RARB: variants seen among roughly 807,000 people sequenced by gnomAD.
The protein encoded by RARB is HBV-activated protein.
Under a neutral mutation model 51.9 loss-of-function variants are expected in RARB, and 17 were observed. That is an observed-to-expected ratio of 0.33 (90% CI 0.22 to 0.49). The LOEUF (loss-of-function observed/expected upper bound fraction) is 0.49. RARB is among the 20% of genes least tolerant of loss of function. RARB has a pLI of 0.99. For missense variants in RARB, 369 were observed against 550.8 expected (o/e 0.67, Z 3.30); for synonymous variants, 215 against 195.4 (o/e 1.10, Z -0.84).
chr3:25,050,638 A>G (rs951951150), intron 2 of RARB, among the ~76,000 whole-genome samples: 77 of 152,118 alleles, frequency 5.1e-4, no homozygotes, highest in African/African-American at 1.8e-3. Flanking sequence ...TCATTCCAAT[A>G]TTTCCAAATT....
intron 5 of RARB, among the ~76,000 whole-genome samples, chr3:25,256,656 A>T (rs1489184293): frequency 1.3e-5 from 2 of 152,134 alleles, no homozygotes; most frequent in African/African-American, 4.8e-5. Flanking sequence ...CTCAAAGGAC[A>T]GTCTTGTCAT....
At position 25,265,977 on chromosome 3, in the gene RARB, C is replaced by T. The variant is rs112594481; in HGVS notation, c.178+91402C>T. Among the ~76,000 whole-genome samples, 311 of 152,244 alleles carry T rather than the reference C, an allele frequency of 2.0e-3. 1 individual carries two copies. Among genetic ancestry groups the T allele is most frequent in the African/African-American group, 5.7e-3 (237 of 41,554 alleles). On this transcript the variant is annotated intron_variant, in intron 5 of 11. Transcript: ENST00000383772. ...CCTTCACCTCAAAGCTGGCAACTCT[C>T]AACCTAGTCATCCTTACACTGCCAT...
intron 2 of RARB, among the ~76,000 whole-genome samples, chr3:25,500,377 A>C (rs1224668223): frequency 1.3e-5 from 2 of 151,904 alleles, no homozygotes; most frequent in Non-Finnish European, 2.9e-5. Context: ...GGAGCTATGT[A>C]AAAGAACTCA....
chr3:25,539,273 A>G (rs1699267071), intron 3 of RARB, among the ~76,000 whole-genome samples: 1 of 152,184 alleles, frequency 6.6e-6, no homozygotes, highest in African/African-American at 2.4e-5. Context: ...GGTTGACAGC[A>G]TTCTATTTGA....
intron 5 of RARB, among the ~76,000 whole-genome samples, chr3:25,300,236 AT>A (rs1209248631): frequency 2.0e-5 from 3 of 152,238 alleles, no homozygotes; most frequent in African/African-American, 7.2e-5. Flanking sequence ...TTGCATTATA[AT>A]TTGTTCAGCA....
intron 2 of RARB, among the ~76,000 whole-genome samples, chr3:24,980,530 C>G (rs1382040939): frequency 6.6e-6 from 1 of 152,088 alleles, no homozygotes; most frequent in African/African-American, 2.4e-5. Flanking sequence ...CGATCAAATT[C>G]GATCCTTTCT....
intron 5 of RARB, among the ~76,000 whole-genome samples, chr3:25,339,450 C>T (rs1705158174): frequency 6.6e-6 from 1 of 152,174 alleles, no homozygotes. Flanking sequence ...CGTCACTTTC[C>T]TTTTTCTGTC....
At chr3:25,124,707 G>C (rs941996158) in intron 3 of RARB, among the ~76,000 whole-genome samples, 1 of 152,200 alleles carries the variant, frequency 6.6e-6, no homozygotes, top group Non-Finnish European at 1.5e-5. Flanking sequence ...TTTTGACCTG[G>C]AGACAAGTTG....
chr3:25,312,160 C>T (rs1444007170), intron 5 of RARB, among the ~76,000 whole-genome samples: 9 of 151,840 alleles, frequency 5.9e-5, no homozygotes, highest in South Asian at 4.2e-4. Context: ...GAATCAGAGA[C>T]GGAAGAAAAA....
chr3:25,127,284 C>G (rs1699875927), intron 3 of RARB, among the ~76,000 whole-genome samples: 1 of 152,158 alleles, frequency 6.6e-6, no homozygotes, highest in South Asian at 2.1e-4. Context: ...TTCCCAGGAC[C>G]TGTCACTACT....
chr3:25,194,848 T>C (rs553710423), intron 5 of RARB, among the ~76,000 whole-genome samples: 3 of 151,984 alleles, frequency 2.0e-5, no homozygotes, highest in Non-Finnish European at 4.4e-5. Flanking sequence ...TGATGGCCGC[T>C]CTGGTCTGTG....
chr3:25,019,376 G>T (rs73036571), intron 2 of RARB, among the ~76,000 whole-genome samples: 3 of 152,108 alleles, frequency 2.0e-5, no homozygotes, highest in Non-Finnish European at 2.9e-5. Context: ...ATAGACAAAG[G>T]GTAGCATGGA....
chr3:25,378,175 A>G (rs1706520447), intron 5 of RARB, among the ~76,000 whole-genome samples: 1 of 152,306 alleles, frequency 6.6e-6, no homozygotes, highest in African/African-American at 2.4e-5. Flanking sequence ...TTGCATTAGC[A>G]CAAGACTCGG....
At chr3:24,903,877 A>G (rs1694785373) in intron 2 of RARB, among the ~76,000 whole-genome samples, 2 of 152,206 alleles carry the variant, frequency 1.3e-5, no homozygotes, top group African/African-American at 4.8e-5. Flanking sequence ...TAGAATTTTA[A>G]TGTGATAAGT....
At chr3:24,927,673 T>C (rs894429277) in intron 2 of RARB, among the ~76,000 whole-genome samples, 74 of 152,240 alleles carry the variant, frequency 4.9e-4, no homozygotes, top group African/African-American at 1.6e-3. Context: ...GAAACACTGT[T>C]ACTCATAATT....
At chr3:25,200,974 T>C (rs2125370543) in intron 5 of RARB, among the ~76,000 whole-genome samples, 1 of 152,344 alleles carries the variant, frequency 6.6e-6, no homozygotes, top group Non-Finnish European at 1.5e-5. Context: ...TCCAATTCTG[T>C]GAAGAAAGTC....
chr3:25,089,499 C>A (rs200507346), intron 3 of RARB, among the ~76,000 whole-genome samples: 1 of 151,466 alleles, frequency 6.6e-6, no homozygotes, highest in Non-Finnish European at 1.5e-5. Context: ...AAAAAAGTCC[C>A]AAATTATGAA....
At chr3:24,921,251 G>A (rs1001997261) in intron 2 of RARB, among the ~76,000 whole-genome samples, 3 of 152,026 alleles carry the variant, frequency 2.0e-5, no homozygotes, top group South Asian at 2.1e-4. Context: ...AGATCCTACC[G>A]TGTGTTCAGC....
At chr3:25,240,997 A>C (rs1445913603) in intron 5 of RARB, among the ~76,000 whole-genome samples, 1 of 152,082 alleles carries the variant, frequency 6.6e-6, no homozygotes, top group African/African-American at 2.4e-5. Flanking sequence ...TACCAAGTCA[A>C]TCTCATTACT....
Sources: allele counts gnomAD v4.1 joint callset (sites outside exome capture counted in the v4.1 genomes callset), GRCh38; gene constraint gnomAD v4.1.1; transcripts MANE v1.5; gene names NCBI Gene and HGNC (gene_info 2026-07-23, HGNC 2026-07-21).